Variants in TNKS observed in about 807,000 individuals in gnomAD.
The protein encoded by TNKS is tankyrase, also known as poly [ADP-ribose] polymerase tankyrase-1.
Under a neutral mutation model 135.8 loss-of-function variants are expected in TNKS, and 72 were observed. The observed-to-expected ratio is 0.53, with a 90% CI of 0.44 to 0.64. The LOEUF is 0.64. TNKS is among the 30% of genes least tolerant of loss of function. The probability of loss-of-function intolerance (pLI) is 0.00; values close to 1 mark genes in which losing one functional copy is unlikely to be tolerated. For synonymous variants in TNKS, 849 were observed against 649.3 expected (o/e 1.31, Z -4.68); for missense variants, 1,769 against 1,674.0 (o/e 1.06, Z -0.99).
intron 25 of TNKS, 132 bp downstream of exon 25, chr8:9,766,557 G>A: frequency 1.3e-6 from 1 of 766,538 alleles, no homozygotes; most frequent in Non-Finnish European, 1.8e-6. Context: ...CACGATCCTG[G>A]CTCACGCAAC....
intron 2 of TNKS, among the ~76,000 whole-genome samples, chr8:9,614,297 G>T (rs980545450): frequency 2.6e-4 from 40 of 152,284 alleles, no homozygotes; most frequent in African/African-American, 9.6e-4. Flanking sequence ...TTCATTGTTT[G>T]CATTCACATA....
At chr8:9,695,743 G>A (rs1333207241) in intron 5 of TNKS, among the ~76,000 whole-genome samples, 2 of 152,164 alleles carry the variant, frequency 1.3e-5, no homozygotes, top group East Asian at 3.9e-4. Context: ...CAGTAGATGT[G>A]GTGAGAAGTG....
At chr8:9,676,882 T>C (rs11249937) in intron 3 of TNKS, among the ~76,000 whole-genome samples, 29,741 of 152,164 alleles carry the variant, frequency 0.2, 3,390 homozygotes, top group East Asian at 0.46. Flanking sequence ...TGGTTGCTAT[T>C]ATCTTGACTA....
At chr8:9,588,464 T>G (rs28693007) in intron 2 of TNKS, among the ~76,000 whole-genome samples, 55,011 of 151,802 alleles carry the variant, frequency 0.36, 10,035 homozygotes, top group East Asian at 0.4. Flanking sequence ...TTTTAGTAGA[T>G]ACAGGATTTC....
chr8:9,594,202 A>T (rs1798690095), intron 2 of TNKS, among the ~76,000 whole-genome samples: 1 of 152,058 alleles, frequency 6.6e-6, no homozygotes, highest in Non-Finnish European at 1.5e-5. Context: ...CTGTTATTTT[A>T]AGTATAGTAT....
chr8:9,622,289 T>C (rs975533697), intron 3 of TNKS, among the ~76,000 whole-genome samples: 1 of 152,236 alleles, frequency 6.6e-6, no homozygotes, highest in Non-Finnish European at 1.5e-5. Flanking sequence ...ATTTGTTTCA[T>C]AGTTCATACT....
chr8:9,585,999 AGTT>A (rs1410229252), intron 2 of TNKS, among the ~76,000 whole-genome samples: 1 of 152,214 alleles, frequency 6.6e-6, no homozygotes, highest in Admixed American at 6.5e-5. Flanking sequence ...TATGTCATAC[AGTT>A]GTTAAGAGGA....
intron 3 of TNKS, among the ~76,000 whole-genome samples, chr8:9,663,882 C>T (rs1397125055): frequency 6.6e-6 from 1 of 152,160 alleles, no homozygotes; most frequent in Non-Finnish European, 1.5e-5. Context: ...TTCAGTAACC[C>T]AGAAACACTT....
chr8:9,623,235 A>G (rs116758258), intron 3 of TNKS, among the ~76,000 whole-genome samples: 1,676 of 152,334 alleles, frequency 0.011, 12 homozygotes, highest in African/African-American at 0.023. Flanking sequence ...TTTGAAACCT[A>G]AAACAACTAG....
intron 3 of TNKS, among the ~76,000 whole-genome samples, chr8:9,622,421 T>A (rs1440687393): frequency 1.3e-5 from 2 of 152,202 alleles, no homozygotes; most frequent in African/African-American, 4.8e-5. Context: ...GGGCGCTGAA[T>A]CCTCACAATG....
intron 12 of TNKS, among the ~76,000 whole-genome samples, chr8:9,725,165 A>G (rs1193057515): frequency 6.6e-6 from 1 of 152,144 alleles, no homozygotes; most frequent in East Asian, 1.9e-4. Flanking sequence ...CAATGAAAGA[A>G]CAGAATAAGA....
intron 3 of TNKS, among the ~76,000 whole-genome samples, chr8:9,647,309 G>C (rs1800955703): frequency 6.6e-6 from 1 of 152,132 alleles, no homozygotes; most frequent in South Asian, 2.1e-4. Flanking sequence ...CTGAGTACAA[G>C]GGATAGAACA....
intron 26 of TNKS, 106 bp from the exon 27 acceptor site, chr8:9,776,544 T>C (rs1585463294): frequency 1.0e-5 from 10 of 970,298 alleles, no homozygotes; most frequent in South Asian, 1.5e-5. Context: ...TGAGTCTATA[T>C]AGAATATTGG....
chr8:9,721,852 G>T (rs1364898228), intron 12 of TNKS, among the ~76,000 whole-genome samples: 1 of 149,550 alleles, frequency 6.7e-6, no homozygotes, highest in Non-Finnish European at 1.5e-5. Flanking sequence ...AGGAGTTCCA[G>T]ACCACCTTGG....
chr8:9,625,286 AT>A lies in TNKS; in HGVS notation c.994+9611del, dbSNP rs1035920136. On this transcript the variant is annotated intron_variant, in intron 3 of 26. Transcript: ENST00000310430. Reference sequence around the variant, plus strand: ...GTAATAATCCCGTTTCATTCCTGATATTGGTAATTTGTGTTTTCTCCTTTTC... The same window carrying A: ...GTAATAATCCCGTTTCATTCCTGATATGGTAATTTGTGTTTTCTCCTTTTC... 1.3e-4 allele frequency among the ~76,000 whole-genome samples: 20 copies of A among 151,980 alleles called. 1 individual carries two copies.
At chr8:9,693,183 G>C (rs945966698) in intron 5 of TNKS, among the ~76,000 whole-genome samples, 4 of 152,160 alleles carry the variant, frequency 2.6e-5, no homozygotes, top group African/African-American at 9.7e-5. Context: ...CAGAGCAAAA[G>C]TAGAACATTA....
intron 1 of TNKS, among the ~76,000 whole-genome samples, chr8:9,579,311 T>TA (rs1252265241): frequency 6.6e-6 from 1 of 152,216 alleles, no homozygotes; most frequent in Non-Finnish European, 1.5e-5. Flanking sequence ...ATAGATATTT[T>TA]GGCATCATCT....
intron 20 of TNKS, among the ~76,000 whole-genome samples, chr8:9,759,836 G>A (rs568084357): frequency 6.6e-5 from 10 of 152,148 alleles, no homozygotes; most frequent in South Asian, 4.2e-4. Context: ...TTAGCCGGGC[G>A]TGGTGGCGGG....
intron 18 of TNKS, among the ~76,000 whole-genome samples, 150 bp from the exon 19 acceptor site, chr8:9,751,451 TTGGAGCTG>T (rs1806526314): frequency 6.6e-6 from 1 of 152,206 alleles, no homozygotes; most frequent in Non-Finnish European, 1.5e-5. Context: ...TTGAAACTCT[TTGGAGCTG>T]TGGATAGGAG....
Sources: allele counts gnomAD v4.1 joint callset (sites outside exome capture counted in the v4.1 genomes callset), GRCh38; gene constraint gnomAD v4.1.1; transcripts MANE v1.5; gene names NCBI Gene and HGNC (gene_info 2026-07-23, HGNC 2026-07-21).